Variants in MEGF8 observed in about 807,000 individuals in gnomAD.
The protein encoded by MEGF8 is multiple epidermal growth factor-like domains protein 8.
MEGF8 carries 156 observed loss-of-function variants against 302.9 expected under a neutral mutation model. The ratio of observed to expected loss-of-function variants is 0.52; its 90% confidence interval spans 0.45 to 0.59. The LOEUF is 0.59. Ranked by LOEUF, MEGF8 falls within the 20% of genes least tolerant of loss-of-function variation. The pLI, the probability that MEGF8 is intolerant of heterozygous loss-of-function variation, is 0.00. For synonymous variants in MEGF8, 1,621 were observed against 1,660.5 expected, an observed-to-expected ratio of 0.98 and a Z score of 0.58; for missense variants, 3,345 against 3,964.5, an observed-to-expected ratio of 0.84 and a Z score of 4.20.
Position 42,355,904 on chromosome 19 carries a change from G to T in MEGF8, c.4291G>T (p.Gly1431Trp). The T allele has an allele frequency of 5.7e-6, 9 of 1,591,708 alleles. No individual in the cohort carries two copies. Among genetic ancestry groups the T allele is most frequent in the Non-Finnish European group, 6.8e-6 (8 of 1,169,992 alleles). Residue 1431 changes from glycine (G) to tryptophan (W), a missense_variant, in exon 24 of 42, where the codon GGG (glycine) becomes TGG (tryptophan). Coordinates refer to ENST00000251268, the MANE Select transcript of MEGF8 (RefSeq NM_001271938.2). Reference sequence around the variant, plus strand: ...GCCCCAGGACGGTGCTGCAGGTGCGGGGCTCTGCCGATGTCCTCAGGGCTG... The same window carrying T: ...GCCCCAGGACGGTGCTGCAGGTGCGTGGCTCTGCCGATGTCCTCAGGGCTG... The part of the protein sequence containing the change: ...CVPQDGAAGA[G>W]LCRCPQGWAG...
At position 42,358,009 on chromosome 19, in the gene MEGF8, G is replaced by T; in HGVS notation, c.5012-135G>T. The T allele has an allele frequency of 1.2e-6, 1 of 807,276 alleles. No homozygotes were observed. The highest frequency in any genetic ancestry group is 1.8e-6 in the Non-Finnish European group (1 of 544,510). 50.0% of individuals were successfully genotyped at this position (807,276 alleles called of 1,614,324 possible). On this transcript the variant is annotated intron_variant, in intron 28 of 41. Coordinates refer to ENST00000251268, the MANE Select transcript of MEGF8 (RefSeq NM_001271938.2). The surrounding 1 kb of genome is among the most constrained non-coding windows in gnomAD (Gnocchi z 4.4). ...CCATTTGAACCCAACTGAGAGGGAC[G>T]GGTGGAGAGGGGCTCCCAGGCCTCC...
At position 42,356,440 on chromosome 19, in the gene MEGF8, G is replaced by A. The variant is rs2039454150; in HGVS notation, c.4609G>A (p.Gly1537Arg). 1 of 1,604,616 alleles carries A rather than the reference G, an allele frequency of 6.2e-7. No homozygotes were observed. The highest frequency in any genetic ancestry group is 1.1e-5 in the South Asian group (1 of 89,522). Residue 1537 changes from glycine to arginine, a missense_variant, in exon 26 of 42, where the codon GGA (glycine) becomes AGA (arginine). Gly to Arg is a moderately radical substitution (Grantham distance 125, BLOSUM62 -2). Coordinates refer to ENST00000251268, the MANE Select transcript of MEGF8 (RefSeq NM_001271938.2). The surrounding 1 kb of genome is among the most constrained non-coding windows in gnomAD (Gnocchi z 5.2). ...CCTGGGCCTGCCCCAGGGGCTGCTG[G>A]GAAACCTGTACAGGTGAGGACTGCC... ...GGLGLPQGLL[G>R]NLYRYSVSER... is the part of the protein sequence containing the mutation.
rs752726650 is a variant in MEGF8 at position 42,356,482 on chromosome 19, C to T, written c.4622+29C>T. 1.5e-5 allele frequency: 23 copies of T among 1,519,656 alleles called. No individual in the cohort carries two copies. The highest frequency in any genetic ancestry group is 6.3e-5 in the Admixed American group (3 of 47,648). The allele number at this position is 1,519,656 out of a possible 1,614,324, so 94.1% of individuals were successfully genotyped here. ...AGGACTGCCCTGGGCAGGTGGGATT[C>T]GCAAATAAGAGAAGGTCACCTCGGG... is the stretch of plus-strand genomic sequence containing the variant. On this transcript the variant is annotated intron_variant, in intron 26 of 41. Coordinates refer to ENST00000251268, the MANE Select transcript of MEGF8 (RefSeq NM_001271938.2). This position sits in a 1 kb window ranked among gnomAD's most constrained non-coding sequence, Gnocchi z 5.2.
chr19:42,359,082 C>T lies in MEGF8; in HGVS notation c.5344-16C>T, dbSNP rs747682702. On this transcript the variant is annotated splice_polypyrimidine_tract_variant and intron_variant, in intron 30 of 41. Transcript: ENST00000251268. ...GACAGGCTGTCCTGTCCCCCCACCC[C>T]CCGTCTCCCCAACAGCCCCGCCCCC... 23 of 1,508,794 alleles carry T rather than the reference C, an allele frequency of 1.5e-5. No homozygotes were observed. Among genetic ancestry groups the T allele is most frequent in the Non-Finnish European group, 2.0e-5 (23 of 1,124,576 alleles). The allele number at this position is 1,508,794 out of a possible 1,614,324, so 93.5% of individuals were successfully genotyped here. A position where few individuals can be genotyped will look rare whatever the true frequency, so the allele number is the denominator to read the frequency against.
In MEGF8 at chr19:42,358,354, G is replaced by A; in HGVS notation, c.5175+47G>A. 1 of 1,535,278 alleles carries A rather than the reference G, an allele frequency of 6.5e-7. No individual in the cohort carries two copies. The highest frequency in any genetic ancestry group is 8.7e-7 in the Non-Finnish European group (1 of 1,146,800). On this transcript the variant is annotated intron_variant, in intron 29 of 41. Transcript: ENST00000251268. The surrounding 1 kb of genome is among the most constrained non-coding windows in gnomAD (Gnocchi z 4.4). ...CCAAGGATGTATGGGGCAGGAGGGAGGGGTCCTCTTTCCCAGTGCCCCAGG... is the reference window on the plus strand; with the variant it reads ...CCAAGGATGTATGGGGCAGGAGGGAAGGGTCCTCTTTCCCAGTGCCCCAGG...
At chr19:42,371,749 G>T (rs535987158) in intron 41 of MEGF8, among the ~76,000 whole-genome samples, 1 of 152,022 alleles carries the variant, frequency 6.6e-6, no homozygotes, top group African/African-American at 2.4e-5. Flanking sequence ...AGCTAAAGGT[G>T]GCACATGCCA....
chr19:42,359,853 ATTTTT>A (rs891961465), intron 31 of MEGF8, among the ~76,000 whole-genome samples: 4 of 125,402 alleles, frequency 3.2e-5, no homozygotes, highest in African/African-American at 9.4e-5. Context: ...CGCCTGGATA[ATTTTT>A]TTTTTTTTTT....
intron 12 of MEGF8, among the ~76,000 whole-genome samples, chr19:42,346,445 G>T (rs982620535): frequency 2.6e-5 from 4 of 152,270 alleles, no homozygotes; most frequent in Admixed American, 2.6e-4. Context: ...GGGAGGCTAA[G>T]GTGGGAGGAT....
chr19:42,368,455 T>C lies in MEGF8; in HGVS notation c.6274T>C (p.Cys2092Arg). The change falls in exon 36 of 42, where the codon TGT becomes CGT. Residue 2092 changes from cysteine to arginine, a missense_variant and splice_region_variant. Cys to Arg is a radical substitution (Grantham distance 180). Coordinates refer to ENST00000251268, the MANE Select transcript of MEGF8 (RefSeq NM_001271938.2). This position sits in a 1 kb window ranked among gnomAD's most constrained non-coding sequence, Gnocchi z 4.9. Reference protein sequence around the residue: ...HCVWSSSLQQCLSPSYLPLRC... With the variant: ...HCVWSSSLQQRLSPSYLPLRC... ...TCCCCATCCCCTCCCCCCCATACAG[T>C]GTCTGAGCCCTTCCTACCTGCCCCT... The C allele has an allele frequency of 6.3e-7, 1 of 1,589,142 alleles. No homozygotes were observed. The highest frequency in any genetic ancestry group is 8.6e-7 in the Non-Finnish European group (1 of 1,163,236).
chr19:42,370,560 C>G lies in MEGF8; in HGVS notation c.7006-141C>G, dbSNP rs1456659613. Reference sequence around the variant, plus strand: ...GGGAAGAGGAGCTGGGGCCTGGACTCCTGGATCTGAGGGAGGAGGGGGTGG... The same window carrying G: ...GGGAAGAGGAGCTGGGGCCTGGACTGCTGGATCTGAGGGAGGAGGGGGTGG... On this transcript the variant is annotated intron_variant, in intron 39 of 41. Transcript: ENST00000251268. The G allele has an allele frequency of 2.9e-6, 3 of 1,021,410 alleles. No homozygotes were observed. The East Asian group carries it at 8.0e-5, about 27-fold the overall frequency. The allele number at this position is 1,021,410 out of a possible 1,614,324, so 63.3% of individuals were successfully genotyped here.
At position 42,331,790 on chromosome 19, in the gene MEGF8, G is replaced by C. The variant is rs185044427; in HGVS notation, c.188-1815G>C. 1.4e-4 allele frequency among the ~76,000 whole-genome samples: 21 copies of C among 151,626 alleles called. No homozygotes were observed. In the East Asian group the frequency reaches 3.9e-3, roughly 28 times the overall value. ...TCACCATGTTGGCCAGGCTGGTCTCGAACTCTTGACCTCAAGCGATCCACC... is the reference window on the plus strand; with the variant it reads ...TCACCATGTTGGCCAGGCTGGTCTCCAACTCTTGACCTCAAGCGATCCACC... On this transcript the variant is annotated intron_variant, in intron 1 of 41. Coordinates refer to ENST00000251268, the MANE Select transcript of MEGF8 (RefSeq NM_001271938.2).
intron 5 of MEGF8, 65 bp downstream of exon 5, chr19:42,335,450 G>A (rs1040689142): frequency 1.0e-5 from 15 of 1,464,612 alleles, no homozygotes; most frequent in African/African-American, 1.4e-5. Flanking sequence ...GGGGACCCCC[G>A]GAATGATCCC....
chr19:42,376,267 A>C lies in MEGF8; in HGVS notation c.8030A>C (p.Asp2677Ala). ...CTCTGGAAGGCCAAGCAGGCTCTGG[A>C]CCAGCGGCAGGAGCAGCGCCGGCAC... ...VLLWKAKQAL[D>A]QRQEQRRHLQ... Residue 2677 changes from aspartate (D) to alanine (A), a missense_variant, in exon 42 of 42, where the codon GAC becomes GCC. By Grantham distance (126) the Asp-to-Ala change is moderately radical. Transcript: ENST00000251268. The surrounding 1 kb of genome is among the most constrained non-coding windows in gnomAD (Gnocchi z 8.2). 6.2e-7 allele frequency: 1 copy of C among 1,611,634 alleles called. No homozygotes were observed. Among genetic ancestry groups the C allele is most frequent in the Non-Finnish European group, 8.5e-7 (1 of 1,179,050 alleles).
rs138454226 is a variant in MEGF8 at position 42,378,084 on chromosome 19, A to T, written c.*1309A>T. 20 of 152,298 alleles carry T rather than the reference A, an allele frequency of 1.3e-4. No individual in the cohort carries two copies. Among genetic ancestry groups the T allele is most frequent in the Admixed American group, 4.6e-4 (7 of 15,284 alleles). The allele number at this position is 152,298 out of a possible 1,614,324, so 9.4% of individuals were successfully genotyped here. ...GGAAGATCAGAGTCTGGTTCTTGAC[A>T]TGAGATGCCCTTCAGACATCTCTTC... On this transcript the variant is annotated 3_prime_UTR_variant, in exon 42 of 42. Coordinates refer to ENST00000251268, the MANE Select transcript of MEGF8 (RefSeq NM_001271938.2).
chr19:42,342,222 A>G (rs2039224615), intron 8 of MEGF8, among the ~76,000 whole-genome samples: 1 of 152,196 alleles, frequency 6.6e-6, no homozygotes, highest in Non-Finnish European at 1.5e-5. Flanking sequence ...CAAGTCCCAC[A>G]CGTTTACAGT....
chr19:42,338,627 GT>G (rs907986452), intron 8 of MEGF8, among the ~76,000 whole-genome samples: 1 of 151,948 alleles, frequency 6.6e-6, no homozygotes, highest in Non-Finnish European at 1.5e-5. Context: ...TTGTGTCCCT[GT>G]ACACTCGATG....
intron 41 of MEGF8, among the ~76,000 whole-genome samples, chr19:42,374,661 C>T (rs1179061130): frequency 1.3e-5 from 2 of 152,114 alleles, no homozygotes; most frequent in African/African-American, 2.4e-5. Flanking sequence ...TGGCAAGCAC[C>T]GTGCAGGTTG....
chr19:42,358,824 G>T lies in MEGF8; in HGVS notation c.5213G>T (p.Gly1738Val), dbSNP rs1392034850. ...RMRNVRGSSR[G>V]LGQVPGEQPG... ...AGGAATGTGCGTGGCTCATCTCGGG[G>T]TCTGGGCCAAGTTCCTGGGGAGCAG... Residue 1738 changes from glycine (G) to valine (V), a missense_variant, in exon 30 of 42, where the codon GGT (glycine) becomes GTT (valine). Coordinates refer to ENST00000251268, the MANE Select transcript of MEGF8 (RefSeq NM_001271938.2). This position sits in a 1 kb window ranked among gnomAD's most constrained non-coding sequence, Gnocchi z 4.4. The T allele has an allele frequency of 6.3e-7, 1 of 1,597,274 alleles. No homozygotes were observed.
intron 35 of MEGF8, among the ~76,000 whole-genome samples, chr19:42,365,012 C>T (rs2039583923): frequency 6.6e-6 from 1 of 152,180 alleles, no homozygotes; most frequent in Non-Finnish European, 1.5e-5. Context: ...CCAGTCTCCA[C>T]TGTATGGGAC....
Sources: allele counts gnomAD v4.1 joint callset (sites outside exome capture counted in the v4.1 genomes callset), GRCh38; gene constraint gnomAD v4.1.1; non-coding constraint Gnocchi (gnomAD v3.1); transcripts MANE v1.5; gene names NCBI Gene and HGNC (gene_info 2026-07-23, HGNC 2026-07-21).